The following PAFAH1B1 variants were observed in gnomAD, a reference collection of about 807,000 sequenced individuals.
PAFAH1B1 encodes the protein platelet activating factor acetylhydrolase 1b regulatory subunit 1.
In PAFAH1B1, 2 loss-of-function variants were observed where a neutral mutation model predicts 57.5. That is an observed-to-expected ratio of 0.03 (90% CI 0.01 to 0.11). The LOEUF is 0.11. Ranked by LOEUF, PAFAH1B1 falls within the 10% of genes least tolerant of loss-of-function variation. PAFAH1B1 has a pLI of 1.00. For synonymous variants in PAFAH1B1, 152 were observed against 169.6 expected (o/e 0.90, Z 0.81); for missense variants, 257 against 512.0 (o/e 0.50, Z 4.81).
chr17:2,631,259 A>C (rs2068551731), intron 1 of PAFAH1B1, among the ~76,000 whole-genome samples: 1 of 151,794 alleles, frequency 6.6e-6, no homozygotes, highest in Non-Finnish European at 1.5e-5. Context: ...AAAAAGAAAG[A>C]AAAAGAAAGA....
chr17:2,661,723 T>C (rs2069016495), intron 2 of PAFAH1B1, among the ~76,000 whole-genome samples: 1 of 152,218 alleles, frequency 6.6e-6, no homozygotes. Context: ...TTTTTCTTCA[T>C]ATGAGCAATG....
In PAFAH1B1 at chr17:2,667,186, T is replaced by C. The variant is rs140936904; in HGVS notation, c.387T>C (p.Asp129=). The change falls in exon 5 of 11, where the codon GAT becomes GAC. Residue 129 remains aspartate (D), a synonymous_variant. Coordinates refer to ENST00000397195, the MANE Select transcript of PAFAH1B1 (RefSeq NM_000430.4). ...VFSVMVSASE[D]ATIKVWDYET... is the part of the protein sequence containing the mutation. ...GTGTTATGGTCTCTGCTTCAGAGGATGCTACAATTAAGGTAATTTTTTGTT... is the reference window on the plus strand; with the variant it reads ...GTGTTATGGTCTCTGCTTCAGAGGACGCTACAATTAAGGTAATTTTTTGTT... 5.8e-4 allele frequency: 940 copies of C among 1,612,922 alleles called. 4 individuals carry two copies. In the Middle Eastern group the frequency reaches 0.014, roughly 24 times the overall value.
At chr17:2,671,929 C>G (rs958597796) in intron 6 of PAFAH1B1, among the ~76,000 whole-genome samples, 1 of 152,000 alleles carries the variant, frequency 6.6e-6, no homozygotes, top group Non-Finnish European at 1.5e-5. Flanking sequence ...GAACCAATTC[C>G]CCATTTTTTG....
intron 2 of PAFAH1B1, chr17:2,639,954 A>G (rs761738394): frequency 4.6e-5 from 7 of 152,206 alleles, no homozygotes; most frequent in Non-Finnish European, 1.0e-4. Context: ...AGTAATTTCA[A>G]ATTTATAAAG....
rs140753546 is a variant in PAFAH1B1 at position 2,659,245 on chromosome 17, C to CA, written c.33-6116dup. 1.3e-3 allele frequency among the ~76,000 whole-genome samples: 188 copies of CA among 139,362 alleles called. No individual in the cohort carries two copies. The Middle Eastern group carries it at 0.016, about 12-fold the overall frequency. The allele number at this position is 139,362 out of a possible 152,430, so 91.4% of individuals were successfully genotyped here. ...TGGATGACAGAATAAGACTCCGTTT[C>CA]AAAAAAAAAAAGGCCAGGTACAGTG... is the stretch of plus-strand genomic sequence containing the variant. On this transcript the variant is annotated intron_variant, in intron 2 of 10. Transcript: ENST00000397195.
intron 2 of PAFAH1B1, among the ~76,000 whole-genome samples, chr17:2,656,903 A>G (rs2068943237): frequency 1.3e-5 from 2 of 151,868 alleles, no homozygotes; most frequent in South Asian, 2.1e-4. Context: ...TTCTCTCATT[A>G]TTTTAATGCC....
In PAFAH1B1 at chr17:2,682,925, C is replaced by T. The variant is rs1301546260; in HGVS notation, c.*1123C>T. 6.6e-6 allele frequency: 1 copy of T among 152,622 alleles called. No individual in the cohort carries two copies. Among genetic ancestry groups the T allele is most frequent in the African/African-American group, 2.4e-5 (1 of 41,438 alleles). 9.5% of individuals were successfully genotyped at this position (152,622 alleles called of 1,614,324 possible). On this transcript the variant is annotated 3_prime_UTR_variant, in exon 11 of 11. Transcript: ENST00000397195. ...AATGTTTGTAAGTATATGGGCCTAT[C>T]TGTAAGTGGATAAGTCTGTATGTGT...
At chr17:2,676,881 G>A (rs1308094268) in intron 9 of PAFAH1B1, among the ~76,000 whole-genome samples, 12 of 152,170 alleles carry the variant, frequency 7.9e-5, no homozygotes, top group Admixed American at 7.2e-4. Context: ...GTAATATCTC[G>A]GCCGGGCGCG....
Position 2,676,273 on chromosome 17 carries a change from G to A in PAFAH1B1, c.901-232G>A, listed in dbSNP as rs2069266027. On this transcript the variant is annotated intron_variant, in intron 8 of 10. Transcript: ENST00000397195. Reference sequence around the variant, plus strand: ...CGTGCCTGTAATCACATCTACTTGGGAGGCTGAGGCAGGAGATTCGCTTGA... The same window carrying A: ...CGTGCCTGTAATCACATCTACTTGGAAGGCTGAGGCAGGAGATTCGCTTGA... 5.9e-5 allele frequency: 27 copies of A among 457,456 alleles called. 2 individuals are homozygous for A. Among genetic ancestry groups the A allele is most frequent in the South Asian group, 5.7e-4 (27 of 47,454 alleles). The allele number at this position is 457,456 out of a possible 1,614,324, so 28.3% of individuals were successfully genotyped here.
rs886052710 is a variant in PAFAH1B1 at position 2,594,005 on chromosome 17, C to G, written c.-192C>G. On this transcript the variant is annotated splice_region_variant and 5_prime_UTR_variant, in exon 1 of 11. Coordinates refer to ENST00000397195, the MANE Select transcript of PAFAH1B1 (RefSeq NM_000430.4). ...CTGCGGAGGCGGCGGTGCAGCGCTC[C>G]GGTAAGGCGGCGCGGGTCTGCGCCC... is the stretch of plus-strand genomic sequence containing the variant. The G allele has an allele frequency of 2.5e-6, 1 of 397,630 alleles. No homozygotes were observed. Among genetic ancestry groups the G allele is most frequent in the Admixed American group, 4.4e-5 (1 of 22,652 alleles). The allele number at this position is 397,630 out of a possible 1,614,324, so 24.6% of individuals were successfully genotyped here.
rs190400626 is a variant in PAFAH1B1, at chr17:2,604,946, G to A, written c.-191+10940G>A. 7.5e-4 allele frequency among the ~76,000 whole-genome samples: 114 copies of A among 152,322 alleles called. 2 individuals carry two copies. The highest frequency in any genetic ancestry group is 1.4e-3 in the Non-Finnish European group (98 of 68,028). ...GGCAGAGGGGATTGTAGAATTTGAG[G>A]TTGGAGAGGCACGTCTGAGCCAGAT... On this transcript the variant is annotated intron_variant, in intron 1 of 10. Coordinates refer to ENST00000397195, the MANE Select transcript of PAFAH1B1 (RefSeq NM_000430.4).
At chr17:2,601,486 G>T (rs2068143213) in intron 1 of PAFAH1B1, among the ~76,000 whole-genome samples, 2 of 152,082 alleles carry the variant, frequency 1.3e-5, no homozygotes, top group Admixed American at 1.3e-4. Flanking sequence ...TTGTTGCCCA[G>T]GCTGGAGTGC....
At chr17:2,642,217 T>G (rs2068704731) in intron 2 of PAFAH1B1, 1 of 152,214 alleles carries the variant, frequency 6.6e-6, no homozygotes, top group South Asian at 2.1e-4. Context: ...AATAGATTGA[T>G]TCACTTCCTC....
chr17:2,613,787 CA>C, intron 1 of PAFAH1B1: 1 of 304,718 alleles, frequency 3.3e-6, no homozygotes, highest in South Asian at 4.0e-5. Flanking sequence ...TCTGCTTCTG[CA>C]GGAGCTCCTG....
intron 2 of PAFAH1B1, among the ~76,000 whole-genome samples, chr17:2,649,885 A>G (rs533447619): frequency 6.6e-6 from 1 of 152,352 alleles, no homozygotes; most frequent in South Asian, 2.1e-4. Context: ...ACAAAGTTCA[A>G]AGACATGCCC....
intron 1 of PAFAH1B1, among the ~76,000 whole-genome samples, chr17:2,612,542 C>T (rs535085202): frequency 8.6e-5 from 13 of 151,458 alleles, no homozygotes; most frequent in Non-Finnish European, 1.6e-4. Flanking sequence ...ATAGATACTA[C>T]TATTAAAAGT....
rs200868167 is a variant in PAFAH1B1 at position 2,660,238 on chromosome 17, T to A, written c.33-5134T>A. ...TTTTCAGTGTATCTTTTTTTTTTTT[T>A]AATTTTTATTTTACTTTAAGTTCCG... On this transcript the variant is annotated intron_variant, in intron 2 of 10. Coordinates refer to ENST00000397195, the MANE Select transcript of PAFAH1B1 (RefSeq NM_000430.4). Among the ~76,000 whole-genome samples, 32 of 152,106 alleles carry A rather than the reference T, an allele frequency of 2.1e-4. 3 individuals carry two copies. The East Asian group carries it at 4.4e-3, about 21-fold the overall frequency.
At chr17:2,647,289 C>T (rs1162225661) in intron 2 of PAFAH1B1, among the ~76,000 whole-genome samples, 1 of 152,142 alleles carries the variant, frequency 6.6e-6, no homozygotes, top group Non-Finnish European at 1.5e-5. Flanking sequence ...TTGCTTGAAC[C>T]CTTGAGGTGG....
chr17:2,634,343 G>T (rs1417972367), intron 1 of PAFAH1B1, among the ~76,000 whole-genome samples: 2 of 152,000 alleles, frequency 1.3e-5, no homozygotes, highest in Non-Finnish European at 2.9e-5. Context: ...TGCCATGTTG[G>T]CCAGGCTGGT....
Sources: allele counts gnomAD v4.1 joint callset (sites outside exome capture counted in the v4.1 genomes callset), GRCh38; gene constraint gnomAD v4.1.1; transcripts MANE v1.5; gene names NCBI Gene and HGNC (gene_info 2026-07-23, HGNC 2026-07-21).